The following TRPM6 variants were observed in gnomAD, a reference collection of about 807,000 sequenced individuals.
TRPM6 encodes the protein channel kinase 2.
A neutral mutation model predicts 247.6 loss-of-function variants in TRPM6; 111 were observed. The ratio of observed to expected loss-of-function variants is 0.45; its 90% CI spans 0.38 to 0.52. The LOEUF (loss-of-function observed/expected upper bound fraction) is 0.52, where lower values mean the gene tolerates loss of function less well. TRPM6 is among the 20% of genes least tolerant of loss of function. TRPM6 has a pLI of 0.00. For synonymous variants in TRPM6, 892 were observed against 853.8 expected, an observed-to-expected ratio of 1.04 and a Z score of -0.78; for missense variants, 2,126 against 2,421.5, an observed-to-expected ratio of 0.88 and a Z score of 2.56.
At chr9:74,831,288 G>C (rs914763964) in intron 6 of TRPM6, among the ~76,000 whole-genome samples, 1 of 151,992 alleles carries the variant, frequency 6.6e-6, no homozygotes, top group Admixed American at 6.6e-5. Flanking sequence ...TCATGAATTC[G>C]AGACCAGCCC....
At position 74,800,405 on chromosome 9, in the gene TRPM6, G is replaced by A. The variant is rs962152569; in HGVS notation, c.2087C>T (p.Thr696Met). ...ATTGCTCCAGTTCCTGAGTTCATACGTCAACAGCGTCATGGCCATGCGCTC... is the reference window on the plus strand; with the variant it reads ...ATTGCTCCAGTTCCTGAGTTCATACATCAACAGCGTCATGGCCATGCGCTC... The part of the protein sequence containing the change: ...QNERMAMTLL[T>M]YELRNWSNST... Residue 696 changes from threonine (T) to methionine (M), a missense_variant, in exon 17 of 39, where the codon ACG (threonine) becomes ATG (methionine). Physicochemically the swap from Thr to Met is moderately conservative, Grantham distance 81. This residue lies in a region of TRPM6 where 1,082 missense variants were observed against 1,307.9 expected (regional missense o/e 0.83). Coordinates refer to ENST00000360774, the MANE Select transcript of TRPM6 (RefSeq NM_017662.5). 6.2e-6 allele frequency: 10 copies of A among 1,613,844 alleles called. No individual in the cohort carries two copies. The highest frequency in any genetic ancestry group is 4.0e-5 in the African/African-American group (3 of 74,848).
At position 74,750,657 on chromosome 9, in the gene TRPM6, T is replaced by G; in HGVS notation, c.5057+7A>C. 6.2e-7 allele frequency: 1 copy of G among 1,613,128 alleles called. No homozygotes were observed. Among genetic ancestry groups the G allele is most frequent in the Non-Finnish European group, 8.5e-7 (1 of 1,179,132 alleles). ...ATTCTTAAACATAAACATTTAGAAA[T>G]ACTCACAGGGAGTTCCTATTGAGGT... On this transcript the variant is annotated splice_region_variant and intron_variant, in intron 30 of 38. Transcript: ENST00000360774.
At chr9:74,785,788 G>T (rs1827636745) in intron 21 of TRPM6, 86 bp downstream of exon 21, 2 of 1,498,846 alleles carry the variant, frequency 1.3e-6, no homozygotes, top group Non-Finnish European at 1.9e-6. Flanking sequence ...CTCCCAAAGT[G>T]CTGGGATTAC....
At chr9:74,872,506 T>G (rs991201817) in intron 1 of TRPM6, among the ~76,000 whole-genome samples, 2 of 152,038 alleles carry the variant, frequency 1.3e-5, no homozygotes, top group Admixed American at 1.3e-4. Context: ...CTTGGCTTAC[T>G]GCAACCTCCG....
chr9:74,819,829 A>T (rs1262785347), intron 9 of TRPM6, among the ~76,000 whole-genome samples: 1 of 152,182 alleles, frequency 6.6e-6, no homozygotes, highest in Non-Finnish European at 1.5e-5. Flanking sequence ...GAACATTGTT[A>T]TACTAAGTGC....
chr9:74,792,582 A>C (rs1564016866), intron 19 of TRPM6, 42 bp downstream of exon 19: 2 of 1,598,682 alleles, frequency 1.3e-6, no homozygotes, highest in African/African-American at 2.7e-5. Context: ...ACTAGCTATC[A>C]ATCATCATTA....
chr9:74,844,027 T>C (rs945110927), intron 3 of TRPM6, among the ~76,000 whole-genome samples: 2 of 152,126 alleles, frequency 1.3e-5, no homozygotes, highest in Admixed American at 6.6e-5. Flanking sequence ...ATCTCAACAG[T>C]GGGCTTAAAA....
chr9:74,727,172 G>C (rs927591087), intron 38 of TRPM6, among the ~76,000 whole-genome samples: 1 of 151,980 alleles, frequency 6.6e-6, no homozygotes, highest in Non-Finnish European at 1.5e-5. Context: ...CATGAGGTCA[G>C]GAGATCAAGA....
At chr9:74,751,516 C>T (rs1826245899) in intron 29 of TRPM6, among the ~76,000 whole-genome samples, 1 of 152,108 alleles carries the variant, frequency 6.6e-6, no homozygotes, top group South Asian at 2.1e-4. Context: ...GGTTGTTAGC[C>T]ATAAAGGTCA....
At chr9:74,790,423 T>C (rs1228231761) in intron 19 of TRPM6, among the ~76,000 whole-genome samples, 2 of 152,238 alleles carry the variant, frequency 1.3e-5, no homozygotes, top group African/African-American at 4.8e-5. Context: ...TCAGCATAGT[T>C]AGACAATTTA....
chr9:74,767,076 T>C (rs1440003164), intron 25 of TRPM6, among the ~76,000 whole-genome samples: 1 of 152,112 alleles, frequency 6.6e-6, no homozygotes, highest in African/African-American at 2.4e-5. Context: ...TGGGGTTTCC[T>C]AGAGTACCAT....
chr9:74,761,404 C>T (rs1486923290), intron 27 of TRPM6, among the ~76,000 whole-genome samples: 1 of 152,106 alleles, frequency 6.6e-6, no homozygotes, highest in East Asian at 1.9e-4. Flanking sequence ...GCAGTATATC[C>T]ACTCTAATGA....
At chr9:74,873,858 T>C (rs1484196244) in intron 1 of TRPM6, among the ~76,000 whole-genome samples, 1 of 152,046 alleles carries the variant, frequency 6.6e-6, no homozygotes, top group Non-Finnish European at 1.5e-5. Flanking sequence ...AGACAAGTTT[T>C]TTATTCAGAA....
At position 74,838,835 on chromosome 9, in the gene TRPM6, C is replaced by T. The variant is rs545437812; in HGVS notation, c.544+1189G>A. 7.2e-5 allele frequency among the ~76,000 whole-genome samples: 11 copies of T among 152,014 alleles called. No individual in the cohort carries two copies. The South Asian group carries it at 2.3e-3, about 32-fold the overall frequency. ...ATAGAAAACCACAGGTTAGGCCAGA[C>T]ATGGTGGCTCACGCCTGTAATCCCA... is the stretch of plus-strand genomic sequence containing the variant. On this transcript the variant is annotated intron_variant, in intron 5 of 38. Coordinates refer to ENST00000360774, the MANE Select transcript of TRPM6 (RefSeq NM_017662.5).
At chr9:74,887,173 A>C in intron 1 of TRPM6, 1 of 1,138,056 alleles carries the variant, frequency 8.8e-7, no homozygotes. Context: ...CTGAGGTTGC[A>C]AGTCCGGGCG....
intron 32 of TRPM6, among the ~76,000 whole-genome samples, chr9:74,743,076 G>A (rs1475083418): frequency 6.6e-6 from 1 of 152,178 alleles, no homozygotes; most frequent in Non-Finnish European, 1.5e-5. Context: ...AATTAGAAGC[G>A]AGTGATCTGC....
chr9:74,730,511 T>C (rs946727702), intron 37 of TRPM6, among the ~76,000 whole-genome samples: 1 of 152,168 alleles, frequency 6.6e-6, no homozygotes, highest in African/African-American at 2.4e-5. Flanking sequence ...AATGCTTCCT[T>C]TCATTGTTGT....
intron 7 of TRPM6, among the ~76,000 whole-genome samples, chr9:74,825,035 G>A (rs543206570): frequency 2.5e-3 from 387 of 152,246 alleles, no homozygotes; most frequent in African/African-American, 9.1e-3. Flanking sequence ...CAAGGCAGGT[G>A]GATTACTTGA....
At chr9:74,798,620 ATC>A (rs1300709896) in intron 17 of TRPM6, among the ~76,000 whole-genome samples, 2 of 152,094 alleles carry the variant, frequency 1.3e-5, no homozygotes, top group Admixed American at 1.3e-4. Flanking sequence ...TCCCATCCAC[ATC>A]TCTCTACATG....
Sources: gnomAD v4.1 joint callset for allele counts (sites outside exome capture counted in the v4.1 genomes callset) on GRCh38, gnomAD v4.1.1 for gene constraint, gnomAD v4.1.1 regional missense constraint, MANE v1.5 for transcripts, NCBI Gene and HGNC (gene_info 2026-07-23, HGNC 2026-07-21) for gene names.